ATG7: variants seen among roughly 807,000 people sequenced by gnomAD.
ATG7 encodes autophagy related 7.
Under a neutral mutation model 82.4 loss-of-function variants are expected in ATG7, and 70 were observed. The ratio of observed to expected loss-of-function variants is 0.85; its 90% CI spans 0.70 to 1.04. ATG7 has a LOEUF of 1.04. Among genes scored for constraint, ATG7 ranks in the 50% least tolerant of loss-of-function variants. ATG7 has a pLI of 0.00. For synonymous variants in ATG7, 287 were observed against 313.0 expected (o/e 0.92, Z 0.88); for missense variants, 792 against 864.3 (o/e 0.92, Z 1.05).
intron 11 of ATG7, among the ~76,000 whole-genome samples, chr3:11,333,958 C>G (rs1952015074): frequency 6.6e-6 from 1 of 151,870 alleles, no homozygotes; most frequent in South Asian, 2.1e-4. Context: ...CGTGTGTTAT[C>G]CAGGATGGTC....
intron 10 of ATG7, among the ~76,000 whole-genome samples, chr3:11,332,179 T>G (rs1339664002): frequency 3.0e-5 from 1 of 33,520 alleles, no homozygotes; most frequent in Non-Finnish European, 5.5e-5. Flanking sequence ...ATATCCCTTA[T>G]GATGAAATGT....
At chr3:11,460,505 G>T (rs1243228900) in intron 20 of ATG7, among the ~76,000 whole-genome samples, 1 of 152,182 alleles carries the variant, frequency 6.6e-6, no homozygotes, top group East Asian at 1.9e-4. Context: ...GCCTTTGCCA[G>T]CCATGGCCTA....
chr3:11,495,505 TAGAG>T (rs2090755356), intron 20 of ATG7, among the ~76,000 whole-genome samples: 2 of 151,978 alleles, frequency 1.3e-5, no homozygotes, highest in Non-Finnish European at 2.9e-5. Flanking sequence ...TGTTGGTCAA[TAGAG>T]AGAGGGTGCC....
intron 20 of ATG7, among the ~76,000 whole-genome samples, chr3:11,428,008 A>G (rs2082524310): frequency 1.3e-5 from 2 of 152,184 alleles, no homozygotes; most frequent in South Asian, 4.1e-4. Flanking sequence ...AATGTAGCTT[A>G]TGTTGTGTTT....
chr3:11,406,854 T>G (rs2080393102), intron 19 of ATG7, among the ~76,000 whole-genome samples: 1 of 152,118 alleles, frequency 6.6e-6, no homozygotes, highest in Non-Finnish European at 1.5e-5. Context: ...TCCCACTGGG[T>G]CCCTCCCATA....
At chr3:11,529,184 G>A (rs1348822098) in intron 20 of ATG7, among the ~76,000 whole-genome samples, 1 of 152,136 alleles carries the variant, frequency 6.6e-6, no homozygotes, top group Non-Finnish European at 1.5e-5. Flanking sequence ...GACATCCTGG[G>A]GCACCTCCAA....
chr3:11,388,549 G>A (rs563242987), intron 19 of ATG7, among the ~76,000 whole-genome samples: 1 of 151,034 alleles, frequency 6.6e-6, no homozygotes, highest in African/African-American at 2.4e-5. Flanking sequence ...CTGCCTCAGC[G>A]TCCCAAGTAG....
At chr3:11,441,322 A>G (rs1253679357) in intron 20 of ATG7, among the ~76,000 whole-genome samples, 2 of 150,654 alleles carry the variant, frequency 1.3e-5, no homozygotes, top group African/African-American at 4.9e-5. Flanking sequence ...CAGCTTACTG[A>G]AACCTCTGCC....
chr3:11,575,367 A>G, the ATG7 span, among the ~76,000 whole-genome samples: 1 of 152,200 alleles, frequency 6.6e-6, no homozygotes, highest in Non-Finnish European at 1.5e-5. Flanking sequence ...TTAAATCAGC[A>G]TAGCCAGCAT....
chr3:11,374,643 C>A (rs1005205422), intron 18 of ATG7, among the ~76,000 whole-genome samples: 1 of 152,040 alleles, frequency 6.6e-6, no homozygotes, highest in African/African-American at 2.4e-5. Context: ...TGGTGGCTCA[C>A]GCCTGTAATC....
In ATG7 at chr3:11,489,782, C is replaced by T. The variant is rs1334544516; in HGVS notation, c.2079+62856C>T. Among the ~76,000 whole-genome samples the T allele has an allele frequency of 2.4e-3, 359 of 151,258 alleles. 1 individual carries two copies. The highest frequency in any genetic ancestry group is 7.8e-3 in the African/African-American group (322 of 41,226). ...GTTGTTCAGTTTCCATGTAGTTGAG[C>T]GGTTTTGAGTGAGTTTCTTAATCCT... is the stretch of plus-strand genomic sequence containing the variant. On this transcript the variant is annotated intron_variant, in intron 20 of 20. Transcript: ENST00000693202.
At chr3:11,274,528 C>T (rs967204742) in intron 1 of ATG7, among the ~76,000 whole-genome samples, 1 of 152,052 alleles carries the variant, frequency 6.6e-6, no homozygotes, top group African/African-American at 2.4e-5. Flanking sequence ...GAATGCATGG[C>T]CTGCTTGTGG....
At chr3:11,436,300 A>G (rs1356523433) in intron 20 of ATG7, among the ~76,000 whole-genome samples, 3 of 152,234 alleles carry the variant, frequency 2.0e-5, no homozygotes, top group East Asian at 1.9e-4. Context: ...TAAGATGGCT[A>G]TAATCAAAAT....
At chr3:11,312,621 G>T (rs1426063791) in intron 7 of ATG7, among the ~76,000 whole-genome samples, 1 of 152,198 alleles carries the variant, frequency 6.6e-6, no homozygotes, top group African/African-American at 2.4e-5. Flanking sequence ...TCATCTTATT[G>T]TCAGTGTCTT....
At chr3:11,287,027 G>A (rs1944197554) in intron 3 of ATG7, among the ~76,000 whole-genome samples, 3 of 151,780 alleles carry the variant, frequency 2.0e-5, no homozygotes, top group South Asian at 4.2e-4. Flanking sequence ...TCAGCCTTCC[G>A]AAGTGCTGGG....
intron 20 of ATG7, among the ~76,000 whole-genome samples, chr3:11,448,940 CTG>C (rs1362463231): frequency 6.6e-6 from 1 of 152,152 alleles, no homozygotes; most frequent in African/African-American, 2.4e-5. Flanking sequence ...CAACCAGACT[CTG>C]TGGAACCTAA....
chr3:11,527,905 A>G (rs980685622), intron 20 of ATG7, among the ~76,000 whole-genome samples: 1 of 152,234 alleles, frequency 6.6e-6, no homozygotes, highest in Admixed American at 6.5e-5. Flanking sequence ...TGTGACTACA[A>G]ACACAGTAAT....
chr3:11,367,509 A>C (rs1167442627), intron 18 of ATG7, among the ~76,000 whole-genome samples: 3 of 152,138 alleles, frequency 2.0e-5, no homozygotes, highest in African/African-American at 7.2e-5. Flanking sequence ...AATTTGGAGA[A>C]AGTTCCTTAA....
the ATG7 span, among the ~76,000 whole-genome samples, chr3:11,569,737 C>T: frequency 6.6e-6 from 1 of 152,280 alleles, no homozygotes; most frequent in South Asian, 2.1e-4. Context: ...AGACTGCTGG[C>T]TGGGCATGGT....
Sources: gnomAD v4.1 joint callset for allele counts (sites outside exome capture counted in the v4.1 genomes callset) on GRCh38, gnomAD v4.1.1 for gene constraint, MANE v1.5 for transcripts, NCBI Gene and HGNC (gene_info 2026-07-23, HGNC 2026-07-21) for gene names.